ABTB1: variants seen among roughly 807,000 people sequenced by gnomAD.
The protein encoded by ABTB1 is ankyrin repeat and BTB/POZ domain-containing protein 1.
ABTB1 carries 45 observed loss-of-function variants against 57.1 expected under a neutral mutation model. The ratio of observed to expected loss-of-function variants is 0.79; its 90% CI spans 0.62 to 1.01. ABTB1 has a LOEUF of 1.01. Ranked by LOEUF, ABTB1 falls within the 50% of genes least tolerant of loss-of-function variation. The probability of loss-of-function intolerance (pLI) is 0.00; values close to 1 mark genes in which losing one functional copy is unlikely to be tolerated. For synonymous variants in ABTB1, 302 were observed against 275.4 expected (o/e 1.10, Z -0.95); for missense variants, 630 against 666.3 (o/e 0.95, Z 0.60).
In ABTB1 at chr3:127,680,667, C is replaced by T; in HGVS notation, c.*192C>T. ...GGAGGATCCATTTGGGATGAGCCCC[C>T]TCCCCCCAATGCACAAGCCAGCCCC... On this transcript the variant is annotated 3_prime_UTR_variant, in exon 12 of 12. Coordinates refer to ENST00000232744, the MANE Select transcript of ABTB1 (RefSeq NM_172027.3). The T allele has an allele frequency of 2.6e-6, 2 of 778,944 alleles. No homozygotes were observed. Among genetic ancestry groups the T allele is most frequent in the Non-Finnish European group, 4.4e-6 (2 of 456,208 alleles). 48.3% of individuals were successfully genotyped at this position (778,944 alleles called of 1,614,324 possible). A position where few individuals can be genotyped will look rare whatever the true frequency, so the allele number is the denominator to read the frequency against.
chr3:127,677,046 C>T lies in ABTB1; in HGVS notation c.606C>T (p.Ser202=), dbSNP rs139556188. Residue 202 remains serine (S), a synonymous_variant, in exon 7 of 12, where the codon AGC becomes AGT. Transcript: ENST00000232744. ...AKQCQLWDLL[S]DLEAKCEKVS... is the part of the protein sequence containing the mutation. ...AATGCCAGCTGTGGGACCTGCTCAG[C>T]GACCTGGAGGCCAAGTGCGAGAAGG... is the stretch of plus-strand genomic sequence containing the variant. 71 of 1,614,022 alleles carry T rather than the reference C, an allele frequency of 4.4e-5. No homozygotes were observed. The highest frequency in any genetic ancestry group is 1.6e-4 in the Middle Eastern group (1 of 6,084).
chr3:127,676,495 G>T lies in ABTB1; in HGVS notation c.481-41G>T. On this transcript the variant is annotated intron_variant, in intron 5 of 11. Transcript: ENST00000232744. This position sits in a 1 kb window ranked among gnomAD's most constrained non-coding sequence, Gnocchi z 5.4. The stretch of plus-strand genomic sequence containing the variant: ...CAGGAACAGCAGGAGGTTGTGCTGG[G>T]TGGCTGCCTCTGACATTACTTTCTG... 1 of 1,614,154 alleles carries T rather than the reference G, an allele frequency of 6.2e-7. No homozygotes were observed. The highest frequency in any genetic ancestry group is 8.5e-7 in the Non-Finnish European group (1 of 1,180,004).
In ABTB1 at chr3:127,674,401, G is replaced by A. The variant is rs1405615403; in HGVS notation, c.67G>A (p.Glu23Lys). The A allele has an allele frequency of 6.2e-7, 1 of 1,607,780 alleles. No individual in the cohort carries two copies. The stretch of plus-strand genomic sequence containing the variant: ...CTCCTTCCTGCCCAGGTACCTGCTG[G>A]AGCAGCGAGACGTGGAGGTGAATGT... ...GDVGRVRYLL[E>K]QRDVEVNVRD... The change falls in exon 2 of 12, where the codon GAG becomes AAG. Residue 23 changes from glutamate (E) to lysine (K), a missense_variant. Coordinates refer to ENST00000232744, the MANE Select transcript of ABTB1 (RefSeq NM_172027.3).
At position 127,673,017 on chromosome 3, in the gene ABTB1, C is replaced by G. The variant is rs757473818; in HGVS notation, c.-9C>G. 7.7e-6 allele frequency: 12 copies of G among 1,564,028 alleles called. No homozygotes were observed. Among genetic ancestry groups the G allele is most frequent in the Non-Finnish European group, 9.5e-6 (11 of 1,155,210 alleles). On this transcript the variant is annotated 5_prime_UTR_variant, in exon 1 of 12. Coordinates refer to ENST00000232744, the MANE Select transcript of ABTB1 (RefSeq NM_172027.3). ...GAGGTCGTTCGGCTCGGGTACCATC[C>G]TCCGCGCCATGGACACCAGCGACCT...
chr3:127,675,937 T>C (rs1399312764), intron 3 of ABTB1, 33 bp from the exon 4 acceptor site: 16 of 1,590,744 alleles, frequency 1.0e-5, no homozygotes, highest in Non-Finnish European at 1.4e-5. Context: ...CCAGGCCCCT[T>C]CCCTGCTAAC....
Position 127,677,515 on chromosome 3 carries a change from C to T in ABTB1, c.813C>T (p.Cys271=), listed in dbSNP as rs141217058. The T allele has an allele frequency of 3.2e-4, 511 of 1,614,128 alleles. 3 individuals are homozygous for T. Among genetic ancestry groups the T allele is most frequent in the South Asian group, 2.7e-3 (246 of 91,088 alleles). Residue 271 remains cysteine, a synonymous_variant, in exon 9 of 12, where the codon TGC becomes TGT. Transcript: ENST00000232744. ...PFPCPDGFNS[C]PDICFRVAGC... is the part of the protein sequence containing the mutation. Reference sequence around the variant, plus strand: ...CTTGTCCTGACGGCTTCAACAGCTGCCCTGACATCTGCTTCCGAGTGGCTG... The same window carrying T: ...CTTGTCCTGACGGCTTCAACAGCTGTCCTGACATCTGCTTCCGAGTGGCTG...
chr3:127,679,719 G>T (rs1029590048), intron 10 of ABTB1: 17 of 582,812 alleles, frequency 2.9e-5, no homozygotes, highest in Non-Finnish European at 5.4e-5. Context: ...CTCCTGCGAG[G>T]GCCCTGCCTC....
At position 127,673,239 on chromosome 3, in the gene ABTB1, G is replaced by A. The variant is rs535876759; in HGVS notation, c.56+158G>A. The A allele has an allele frequency of 4.1e-3, 2,791 of 680,184 alleles. 12 individuals carry two copies. Among genetic ancestry groups the A allele is most frequent in the Non-Finnish European group, 5.5e-3 (2,646 of 483,832 alleles). 42.1% of individuals were successfully genotyped at this position (680,184 alleles called of 1,614,324 possible). On this transcript the variant is annotated intron_variant, in intron 1 of 11. Transcript: ENST00000232744. Reference sequence around the variant, plus strand: ...CGCGGGGCAGACCACCCGGACCCCCGCCGCAGCCCCCCAGCGGAAGCGCGC... The same window carrying A: ...CGCGGGGCAGACCACCCGGACCCCCACCGCAGCCCCCCAGCGGAAGCGCGC...
Position 127,676,709 on chromosome 3 carries a change from C to T in ABTB1, c.526+128C>T. On this transcript the variant is annotated intron_variant, in intron 6 of 11. Transcript: ENST00000232744. The surrounding 1 kb of genome is among the most constrained non-coding windows in gnomAD (Gnocchi z 5.4). Reference sequence around the variant, plus strand: ...CATGGTCCCCCCGGGGTGGTTCCAGCTGCCTCTCGGGTTGGGTTGCAAGAG... The same window carrying T: ...CATGGTCCCCCCGGGGTGGTTCCAGTTGCCTCTCGGGTTGGGTTGCAAGAG... The T allele has an allele frequency of 7.9e-7, 1 of 1,263,420 alleles. No individual in the cohort carries two copies. The highest frequency in any genetic ancestry group is 1.1e-6 in the Non-Finnish European group (1 of 896,662). 78.3% of individuals were successfully genotyped at this position (1,263,420 alleles called of 1,614,324 possible).
In ABTB1 at chr3:127,673,094, C is replaced by A. The variant is rs1471257576; in HGVS notation, c.56+13C>A. 1.9e-6 allele frequency: 3 copies of A among 1,553,488 alleles called. No individual in the cohort carries two copies. Among genetic ancestry groups the A allele is most frequent in the East Asian group, 2.6e-5 (1 of 39,030 alleles). On this transcript the variant is annotated intron_variant, in intron 1 of 11. Transcript: ENST00000232744. ...TGGGCCGAGTGCGGTGAGGACCTCG[C>A]AGTCCCGGGGAGGGTGCGGGAGGTG...
Position 127,680,301 on chromosome 3 carries a change from G to A in ABTB1, c.1263G>A (p.Val421=). 1 of 1,613,092 alleles carries A rather than the reference G, an allele frequency of 6.2e-7. No homozygotes were observed. The highest frequency in any genetic ancestry group is 1.1e-5 in the South Asian group (1 of 91,030). Reference sequence around the variant, plus strand: ...AGCGGGAGGACTTCGTGGAGGCGGTGAAGGAGGAGGCAGCGGCTGTGGCAG... The same window carrying A: ...AGCGGGAGGACTTCGTGGAGGCGGTAAAGGAGGAGGCAGCGGCTGTGGCAG... ...LVEREDFVEA[V]KEEAAAVAAR... The change falls in exon 12 of 12, where the codon GTG becomes GTA. Residue 421 remains valine (V), a synonymous_variant. Transcript: ENST00000232744.
chr3:127,677,613 C>T, intron 9 of ABTB1, 50 bp downstream of exon 9: 1 of 1,613,366 alleles, frequency 6.2e-7, no homozygotes, highest in Non-Finnish European at 8.5e-7. Context: ...GCCCTGAGCC[C>T]CCGTCTAGCT....
In ABTB1 at chr3:127,677,622, C is replaced by T. The variant is rs2075017343; in HGVS notation, c.862-54C>T. ...CCCGTTGCCCTGAGCCCCCGTCTAG[C>T]TCCTCAGGAGACAGACCCTGGCCCT... On this transcript the variant is annotated intron_variant, in intron 9 of 11. Transcript: ENST00000232744. 1.9e-6 allele frequency: 3 copies of T among 1,613,142 alleles called. No individual in the cohort carries two copies. The Admixed American group carries it at 5.0e-5, about 27-fold the overall frequency.
Position 127,680,417 on chromosome 3 carries a change from C to T in ABTB1, c.1379C>T (p.Ala460Val), listed in dbSNP as rs771350441. 17 of 1,607,148 alleles carry T rather than the reference C, an allele frequency of 1.1e-5. No individual in the cohort carries two copies. Among genetic ancestry groups the T allele is most frequent in the South Asian group, 3.3e-5 (3 of 90,224 alleles). ...CAGACCTACAGCGCCATAGAGGAGG[C>T]GCAGCAGCGTCTGCGGGCACTCGAG... ...TVQTYSAIEE[A>V]QQRLRALEDL... The change falls in exon 12 of 12, where the codon GCG becomes GTG. Residue 460 changes from alanine (A) to valine (V), a missense_variant. Around this residue, in one of 3 missense-constraint regions of ABTB1, gnomAD observed 43 missense variants for 56.1 expected, o/e 0.77. Transcript: ENST00000232744.
In ABTB1 at chr3:127,680,481, T is replaced by G. The variant is rs771252351; in HGVS notation, c.*6T>G. The G allele has an allele frequency of 1.9e-6, 3 of 1,598,806 alleles. No individual in the cohort carries two copies. The highest frequency in any genetic ancestry group is 2.5e-6 in the Non-Finnish European group (3 of 1,177,124). On this transcript the variant is annotated 3_prime_UTR_variant, in exon 12 of 12. Coordinates refer to ENST00000232744, the MANE Select transcript of ABTB1 (RefSeq NM_172027.3). Reference sequence around the variant, plus strand: ...CCATCGGTCTGGACTGTTGAGCCCCTGGCTGGGCAGCCCCAGGGGCCAGGA... The same window carrying G: ...CCATCGGTCTGGACTGTTGAGCCCCGGGCTGGGCAGCCCCAGGGGCCAGGA...
intron 10 of ABTB1, chr3:127,679,140 G>A (rs369821814): frequency 7.0e-4 from 122 of 174,452 alleles, no homozygotes; most frequent in Non-Finnish European, 1.1e-3. Flanking sequence ...TTGTCTCAGA[G>A]TGTGGCTTGG....
Position 127,676,246 on chromosome 3 carries a change from C to T in ABTB1, c.321-26C>T. ...ATGGGGTGGGGCTGTGCCAAGTATC[C>T]TCCCTCCTGGCTTGTCCCTCCCCAG... On this transcript the variant is annotated intron_variant, in intron 4 of 11. Coordinates refer to ENST00000232744, the MANE Select transcript of ABTB1 (RefSeq NM_172027.3). The surrounding 1 kb of genome is among the most constrained non-coding windows in gnomAD (Gnocchi z 5.4). The T allele has an allele frequency of 6.2e-7, 1 of 1,607,198 alleles. No individual in the cohort carries two copies. Among genetic ancestry groups the T allele is most frequent in the Non-Finnish European group, 8.5e-7 (1 of 1,174,906 alleles).
Position 127,676,565 on chromosome 3 carries a change from G to A in ABTB1, c.510G>A (p.Leu170=). 2 of 1,613,988 alleles carry A rather than the reference G, an allele frequency of 1.2e-6. No homozygotes were observed. Among genetic ancestry groups the A allele is most frequent in the Non-Finnish European group, 1.7e-6 (2 of 1,179,978 alleles). The change falls in exon 6 of 12, where the codon CTG becomes CTA. Residue 170 remains leucine, a synonymous_variant. Coordinates refer to ENST00000232744, the MANE Select transcript of ABTB1 (RefSeq NM_172027.3). The surrounding 1 kb of genome is among the most constrained non-coding windows in gnomAD (Gnocchi z 5.4). ...LINPVAFGAL[L]QYLYTGRLDI... ...ACCCCGTGGCCTTTGGGGCCCTGCT[G>A]CAGTACCTGTACACAGGTGACCCCC...
chr3:127,675,918 G>C (rs2074969828), intron 3 of ABTB1, 52 bp from the exon 4 acceptor site: 1 of 1,580,948 alleles, frequency 6.3e-7, no homozygotes. Flanking sequence ...AGGGAGATTA[G>C]AATTTCCCCC....
Sources: allele counts gnomAD v4.1 joint callset, GRCh38; gene constraint gnomAD v4.1.1; regional missense constraint gnomAD v4.1.1; non-coding constraint Gnocchi (gnomAD v3.1); transcripts MANE v1.5; gene names NCBI Gene and HGNC (gene_info 2026-07-23, HGNC 2026-07-21).